Variants in NPAS3 observed in about 807,000 individuals in gnomAD.
NPAS3 encodes the protein neuronal PAS domain-containing protein 3.
Under a neutral mutation model 73.1 loss-of-function variants are expected in NPAS3, and 14 were observed. The observed-to-expected ratio is 0.19, with a 90% CI of 0.13 to 0.30. The LOEUF is 0.30. Among genes scored for constraint, NPAS3 ranks in the 10% least tolerant of loss-of-function variants. The probability of loss-of-function intolerance (pLI) is 1.00; values close to 1 mark genes in which losing one functional copy is unlikely to be tolerated. For missense variants in NPAS3, 1,096 were observed against 1,250.0 expected, an observed-to-expected ratio of 0.88 and a Z score of 1.86; for synonymous variants, 620 against 541.5, an observed-to-expected ratio of 1.14 and a Z score of -2.01.
At chr14:33,347,045 G>C (rs2044772409) in intron 3 of NPAS3, among the ~76,000 whole-genome samples, 1 of 152,144 alleles carries the variant, frequency 6.6e-6, no homozygotes. Flanking sequence ...TACCTTGAAA[G>C]AGTTCCATGC....
chr14:32,951,239 A>G (rs560208977), intron 1 of NPAS3, among the ~76,000 whole-genome samples: 1 of 152,106 alleles, frequency 6.6e-6, no homozygotes, highest in Non-Finnish European at 1.5e-5. Context: ...ATCTATGATT[A>G]TGTGATTTGA....
rs187355611 is a variant in NPAS3, at chr14:33,374,789, T to C, written c.468+7521T>C. Among the ~76,000 whole-genome samples, 350 of 152,048 alleles carry C rather than the reference T, an allele frequency of 2.3e-3. 1 individual carries two copies. The highest frequency in any genetic ancestry group is 7.9e-3 in the African/African-American group (329 of 41,486). ...CAGAAGAAAATGAAAGATTGACTAG[T>C]ACAATTCCAACATCTGGGCAAAGTA... is the stretch of plus-strand genomic sequence containing the variant. On this transcript the variant is annotated intron_variant, in intron 4 of 11. Transcript: ENST00000356141.
At chr14:33,796,775 T>C (rs1035486455) in intron 10 of NPAS3, among the ~76,000 whole-genome samples, 2 of 152,182 alleles carry the variant, frequency 1.3e-5, no homozygotes, top group Non-Finnish European at 2.9e-5. Context: ...TAAGCACATT[T>C]GTGCAAGTGA....
chr14:33,388,513 G>A (rs535448950), intron 4 of NPAS3, among the ~76,000 whole-genome samples: 65 of 152,164 alleles, frequency 4.3e-4, no homozygotes, highest in African/African-American at 1.5e-3. Context: ...GCGGGGGGCA[G>A]AAATAGACTC....
At chr14:33,277,633 G>T (rs2041395612) in intron 3 of NPAS3, among the ~76,000 whole-genome samples, 1 of 152,174 alleles carries the variant, frequency 6.6e-6, no homozygotes, top group Non-Finnish European at 1.5e-5. Context: ...CCTCAATGAA[G>T]TGATGGAGCA....
chr14:33,103,574 G>A (rs1305181552), intron 2 of NPAS3, among the ~76,000 whole-genome samples: 1 of 152,114 alleles, frequency 6.6e-6, no homozygotes, highest in African/African-American at 2.4e-5. Flanking sequence ...AGAGCAATTG[G>A]CAAGATTTAT....
chr14:33,504,225 G>A (rs2052654200), intron 4 of NPAS3, among the ~76,000 whole-genome samples: 1 of 151,976 alleles, frequency 6.6e-6, no homozygotes, highest in Non-Finnish European at 1.5e-5. Context: ...AGCATGGACT[G>A]AGCAGGCTAC....
chr14:33,082,132 G>T (rs1310636095), intron 2 of NPAS3, among the ~76,000 whole-genome samples: 3 of 152,198 alleles, frequency 2.0e-5, no homozygotes, highest in Non-Finnish European at 2.9e-5. Context: ...GAATCAAGGT[G>T]AACCCAATGA....
At chr14:33,190,243 T>A (rs546285058) in intron 2 of NPAS3, among the ~76,000 whole-genome samples, 1 of 152,338 alleles carries the variant, frequency 6.6e-6, no homozygotes, top group African/African-American at 2.4e-5. Context: ...TATGTGCTAA[T>A]GATGCCTGAA....
chr14:33,199,075 T>C (rs1056727529), intron 2 of NPAS3, among the ~76,000 whole-genome samples: 7 of 152,184 alleles, frequency 4.6e-5, no homozygotes, highest in Non-Finnish European at 7.3e-5. Context: ...GAACTTGCGC[T>C]GGCCTGCGAG....
intron 5 of NPAS3, among the ~76,000 whole-genome samples, chr14:33,602,188 G>A (rs1047673172): frequency 1.3e-5 from 2 of 152,180 alleles, no homozygotes; most frequent in African/African-American, 2.4e-5. Context: ...GTATTCAGCC[G>A]AGCACTAATC....
chr14:33,313,919 T>G (rs960800637), intron 3 of NPAS3, among the ~76,000 whole-genome samples: 6 of 152,140 alleles, frequency 3.9e-5, no homozygotes, highest in African/African-American at 1.4e-4. Context: ...TCAAATGTTA[T>G]GCATAATTCA....
chr14:33,300,868 A>C (rs1160542301), intron 3 of NPAS3, among the ~76,000 whole-genome samples: 6 of 152,098 alleles, frequency 3.9e-5, no homozygotes, highest in African/African-American at 1.4e-4. Context: ...GCCCTGGCTC[A>C]GATTGGGGAC....
At chr14:33,471,434 T>C (rs1438232079) in intron 4 of NPAS3, among the ~76,000 whole-genome samples, 1 of 152,200 alleles carries the variant, frequency 6.6e-6, no homozygotes, top group East Asian at 1.9e-4. Context: ...ATGCTGAGGA[T>C]GTCACTGATG....
At chr14:33,692,078 A>G (rs1192384027) in intron 6 of NPAS3, among the ~76,000 whole-genome samples, 1 of 152,232 alleles carries the variant, frequency 6.6e-6, no homozygotes, top group African/African-American at 2.4e-5. Flanking sequence ...GGACAGTTAC[A>G]GAGTGTTTAT....
At chr14:33,082,197 G>A (rs1468989131) in intron 2 of NPAS3, among the ~76,000 whole-genome samples, 1 of 152,082 alleles carries the variant, frequency 6.6e-6, no homozygotes, top group Admixed American at 6.5e-5. Flanking sequence ...TCCCGTTTGT[G>A]CTCCTAGAAA....
Position 33,067,504 on chromosome 14 carries a change from C to A in NPAS3, c.140+11510C>A, listed in dbSNP as rs149436996. Among the ~76,000 whole-genome samples the A allele has an allele frequency of 1.3e-5, 2 of 152,324 alleles. 1 individual carries two copies. The highest frequency in any genetic ancestry group is 4.8e-5 in the African/African-American group (2 of 41,572). On this transcript the variant is annotated intron_variant, in intron 2 of 11. Coordinates refer to ENST00000356141, the Ensembl canonical transcript of NPAS3. ...TTTCCAAACTCTAGTTTTCTATTTT[C>A]AAACTACTTGACCTTTGCATTGTTT...
intron 4 of NPAS3, among the ~76,000 whole-genome samples, chr14:33,511,124 G>A (rs888032128): frequency 6.6e-6 from 1 of 152,010 alleles, no homozygotes; most frequent in Non-Finnish European, 1.5e-5. Context: ...TCAGCACAGC[G>A]TTCAGGTGCC....
chr14:33,548,354 G>A (rs1226785076), intron 4 of NPAS3, among the ~76,000 whole-genome samples: 1 of 152,136 alleles, frequency 6.6e-6, no homozygotes, highest in African/African-American at 2.4e-5. Flanking sequence ...CACATCTTCA[G>A]CTATTTAAGA....
Sources: allele counts gnomAD v4.1 joint callset (sites outside exome capture counted in the v4.1 genomes callset), GRCh38; gene constraint gnomAD v4.1.1; transcripts MANE v1.5; gene names NCBI Gene and HGNC (gene_info 2026-07-23, HGNC 2026-07-21).